Variants in EPB41L4A observed in about 807,000 individuals in gnomAD.
The protein encoded by EPB41L4A is erythrocyte membrane protein band 4.1 like 4A.
In EPB41L4A, 100 loss-of-function variants were observed where a neutral mutation model predicts 108.6. The observed-to-expected ratio is 0.92, with a 90% CI of 0.78 to 1.09. The LOEUF (loss-of-function observed/expected upper bound fraction) is 1.09, where lower values mean the gene tolerates loss of function less well. Among genes scored for constraint, EPB41L4A ranks in the 50% least tolerant of loss-of-function variants. EPB41L4A has a pLI of 0.00. For synonymous variants in EPB41L4A, 319 were observed against 289.0 expected (o/e 1.10, Z -1.05); for missense variants, 1,030 against 842.7 (o/e 1.22, Z -2.75).
intron 1 of EPB41L4A, among the ~76,000 whole-genome samples, chr5:112,339,662 T>C (rs963950793): frequency 1.3e-5 from 2 of 151,488 alleles, no homozygotes; most frequent in Non-Finnish European, 2.9e-5. Flanking sequence ...GCCTCCTGAG[T>C]ACCTGGGATT....
chr5:112,352,176 G>A (rs573660243), intron 1 of EPB41L4A, among the ~76,000 whole-genome samples: 2 of 152,034 alleles, frequency 1.3e-5, no homozygotes, highest in African/African-American at 4.8e-5. Flanking sequence ...TTTTGGGTTC[G>A]GTTTGTTCTT....
chr5:112,419,793 G>T (rs1004689269), upstream of EPB41L4A: 1 of 456,764 alleles, frequency 2.2e-6, no homozygotes. Context: ...TCGTCGCGGG[G>T]TGTGGCTCCC....
At chr5:112,169,753 T>C (rs1396319531) in intron 20 of EPB41L4A, among the ~76,000 whole-genome samples, 1 of 152,168 alleles carries the variant, frequency 6.6e-6, no homozygotes, top group East Asian at 1.9e-4. Context: ...CAACCTGCTA[T>C]TTAACTGTGG....
chr5:112,290,684 A>T (rs1753586304), intron 2 of EPB41L4A, among the ~76,000 whole-genome samples: 1 of 152,162 alleles, frequency 6.6e-6, no homozygotes, highest in Non-Finnish European at 1.5e-5. Context: ...TAAAATCCTA[A>T]ATTTGCCATG....
intron 15 of EPB41L4A, among the ~76,000 whole-genome samples, chr5:112,202,794 G>C (rs998094228): frequency 3.3e-5 from 5 of 152,130 alleles, no homozygotes; most frequent in Non-Finnish European, 5.9e-5. Flanking sequence ...AGGCCAGCAA[G>C]TGTGTATTAA....
chr5:112,204,239 T>C (rs1762355602), intron 15 of EPB41L4A, 136 bp downstream of exon 15: 1 of 577,954 alleles, frequency 1.7e-6, no homozygotes, highest in Non-Finnish European at 3.1e-6. Context: ...ACTTATTTTA[T>C]GTCAAAAAGA....
intron 1 of EPB41L4A, among the ~76,000 whole-genome samples, chr5:112,415,887 G>C (rs577128975): frequency 6.6e-5 from 10 of 152,192 alleles, no homozygotes; most frequent in African/African-American, 2.4e-4. Flanking sequence ...TGCTATCAAG[G>C]TGAGGTTGCC....
chr5:112,369,356 C>T (rs972611376), intron 1 of EPB41L4A, among the ~76,000 whole-genome samples: 1 of 152,212 alleles, frequency 6.6e-6, no homozygotes, highest in Non-Finnish European at 1.5e-5. Context: ...ACTCATTTCA[C>T]TTCCCTGACG....
At chr5:112,276,824 C>G (rs1752657039) in intron 3 of EPB41L4A, among the ~76,000 whole-genome samples, 2 of 152,290 alleles carry the variant, frequency 1.3e-5, no homozygotes, top group South Asian at 4.2e-4. Context: ...CCCTGGAACC[C>G]TGTTCCTGGC....
At chr5:112,184,156 C>T (rs764134461) in intron 17 of EPB41L4A, 21 bp from the exon 18 acceptor site, 10 of 1,613,316 alleles carry the variant, frequency 6.2e-6, no homozygotes, top group Non-Finnish European at 8.5e-6. Flanking sequence ...AGCCATGCAT[C>T]TGAAGTTAAC....
At chr5:112,209,518 T>C (rs1008141865) in intron 13 of EPB41L4A, among the ~76,000 whole-genome samples, 8 of 152,250 alleles carry the variant, frequency 5.3e-5, no homozygotes, top group African/African-American at 1.7e-4. Flanking sequence ...TGCACCACTA[T>C]AATGAACACA....
intron 19 of EPB41L4A, 43 bp from the exon 20 acceptor site, chr5:112,170,412 A>T: frequency 7.9e-7 from 1 of 1,266,958 alleles, no homozygotes; most frequent in Non-Finnish European, 1.1e-6. Context: ...TGGTGCTGGT[A>T]TAAATGCTAG....
intron 1 of EPB41L4A, among the ~76,000 whole-genome samples, chr5:112,405,715 T>C (rs1372074886): frequency 6.6e-6 from 1 of 152,236 alleles, no homozygotes; most frequent in Non-Finnish European, 1.5e-5. Flanking sequence ...ATACCTTTCC[T>C]GATTAACTTC....
chr5:112,265,397 A>G (rs936944017), intron 5 of EPB41L4A, among the ~76,000 whole-genome samples: 19 of 152,250 alleles, frequency 1.2e-4, no homozygotes, highest in African/African-American at 3.9e-4. Flanking sequence ...TGACACCAAG[A>G]AACAGTGCAT....
intron 4 of EPB41L4A, among the ~76,000 whole-genome samples, chr5:112,267,709 C>G (rs1381561677): frequency 6.6e-6 from 1 of 152,128 alleles, no homozygotes; most frequent in Non-Finnish European, 1.5e-5. Flanking sequence ...CTCATACTTA[C>G]TTTCCTTCCA....
At chr5:112,311,259 C>T (rs934228793) in intron 1 of EPB41L4A, among the ~76,000 whole-genome samples, 6 of 151,996 alleles carry the variant, frequency 3.9e-5, no homozygotes, top group Non-Finnish European at 7.4e-5. Context: ...GGCCAGTATC[C>T]CAAGTAAAAA....
chr5:112,264,566 A>T (rs566767573), intron 6 of EPB41L4A: 1 of 166,772 alleles, frequency 6.0e-6, no homozygotes, highest in South Asian at 2.0e-4. Context: ...GTATTTACAG[A>T]ATGATTCCAC....
At chr5:112,333,848 C>T (rs574311243) in intron 1 of EPB41L4A, among the ~76,000 whole-genome samples, 4 of 152,254 alleles carry the variant, frequency 2.6e-5, no homozygotes, top group East Asian at 1.9e-4. Flanking sequence ...CATCAGTTTC[C>T]CCCATAAATG....
chr5:112,211,312 A>C (rs1284936481), intron 12 of EPB41L4A, among the ~76,000 whole-genome samples: 1 of 152,164 alleles, frequency 6.6e-6, no homozygotes, highest in Non-Finnish European at 1.5e-5. Flanking sequence ...GGCCAGGCGC[A>C]GTGGCTCACG....
Sources: gnomAD v4.1 joint callset for allele counts (sites outside exome capture counted in the v4.1 genomes callset) on GRCh38, gnomAD v4.1.1 for gene constraint, MANE v1.5 for transcripts, NCBI Gene and HGNC (gene_info 2026-07-23, HGNC 2026-07-21) for gene names.